The following SYDE2 variants were observed in gnomAD, a reference collection of about 807,000 sequenced individuals.
The protein encoded by SYDE2 is rho GTPase-activating protein SYDE2.
A neutral mutation model predicts 91.5 loss-of-function variants in SYDE2; 76 were observed. The ratio of observed to expected loss-of-function variants is 0.83; its 90% CI spans 0.69 to 1.01. SYDE2 has a LOEUF of 1.01. Among genes scored for constraint, SYDE2 ranks in the 50% least tolerant of loss-of-function variants. The pLI, the probability that SYDE2 is intolerant of heterozygous loss-of-function variation, is 0.00. For missense variants in SYDE2, 1,364 were observed against 1,367.7 expected (o/e 1.00, Z 0.04); for synonymous variants, 513 against 506.4 (o/e 1.01, Z -0.18).
chr1:85,155,431 A>C (rs929698876), downstream of SYDE2, among the ~76,000 whole-genome samples: 2 of 152,134 alleles, frequency 1.3e-5, no homozygotes, highest in African/African-American at 4.8e-5. Context: ...TTGAGCCTAC[A>C]AATTTGAGAC....
rs1440316096 is a variant in SYDE2 at position 85,200,577 on chromosome 1, G to A, written c.420C>T (p.Thr140=). 3.1e-6 allele frequency: 5 copies of A among 1,592,020 alleles called. No individual in the cohort carries two copies. The African/African-American group carries it at 5.4e-5, about 17-fold the overall frequency. ...CCTTGCAGCCTGGAGGCTGGAGGCC[G>A]GTGGGTGCAGCCGCCCGGGCGCGGT... The part of the protein sequence containing the change: ...SGDRARAAAP[T]GLQPPGCKDH... The change falls in exon 1 of 7, where the codon ACC becomes ACT. Residue 140 remains threonine, a synonymous_variant. Transcript: ENST00000341460.
intron 1 of SYDE2, chr1:85,194,692 T>C (rs78952354): frequency 0.052 from 20,117 of 384,512 alleles, 621 homozygotes; most frequent in East Asian, 0.15. Flanking sequence ...CAATTAAAAG[T>C]TTTTCACTCA....
chr1:85,154,742 T>C (rs1656838317), downstream of SYDE2, among the ~76,000 whole-genome samples: 1 of 151,976 alleles, frequency 6.6e-6, no homozygotes, highest in Non-Finnish European at 1.5e-5. Flanking sequence ...CTATTGTTTC[T>C]ATCCTTGTCC....
intron 6 of SYDE2, chr1:85,161,055 A>G (rs545890240): frequency 2.9e-4 from 286 of 983,980 alleles, no homozygotes; most frequent in South Asian, 9.4e-4. Flanking sequence ...ATATACGGTG[A>G]AAATGGCTAA....
intron 1 of SYDE2, among the ~76,000 whole-genome samples, chr1:85,196,130 G>C (rs4255398): frequency 0.17 from 26,277 of 152,140 alleles, 2,451 homozygotes; most frequent in South Asian, 0.26. Flanking sequence ...TAAGTAGTAA[G>C]TATATTAATT....
Position 85,160,594 on chromosome 1 carries a change from C to T in SYDE2, c.3086-1345G>A, listed in dbSNP as rs560366193. 33 of 985,328 alleles carry T rather than the reference C, an allele frequency of 3.3e-5. No individual in the cohort carries two copies. In the African/African-American group the frequency reaches 4.9e-4, roughly 15 times the overall value. The allele number at this position is 985,328 out of a possible 1,614,324, so 61.0% of individuals were successfully genotyped here. ...GCAGAATGGATAACTGATTTTTCCA[C>T]TGTGTAATTATTCATATTCTTTTTC... On this transcript the variant is annotated intron_variant, in intron 6 of 6. Transcript: ENST00000341460.
intron 5 of SYDE2, among the ~76,000 whole-genome samples, 189 bp downstream of exon 5, chr1:85,168,855 A>G (rs1657397282): frequency 1.3e-5 from 2 of 152,216 alleles, no homozygotes; most frequent in Admixed American, 6.5e-5. Context: ...GAAAAGATAA[A>G]ACTGTTTTCT....
chr1:85,182,529 C>T lies in SYDE2; in HGVS notation c.2113G>A (p.Ala705Thr). The part of the protein sequence containing the change: ...PRIDSKDVFC[A>T]IQVDSVNKAR... ...TTGTTTACTGAATCTACCTGAATTG[C>T]ACAAAAGACGTCTTTTGAATCTATC... The change falls in exon 3 of 7, where the codon GCA becomes ACA. Residue 705 changes from alanine to threonine, a missense_variant. Ala to Thr is a moderately conservative substitution (Grantham distance 58, BLOSUM62 0). Coordinates refer to ENST00000341460, the MANE Select transcript of SYDE2 (RefSeq NM_032184.2). 1.2e-6 allele frequency: 2 copies of T among 1,613,876 alleles called. No homozygotes were observed. The highest frequency in any genetic ancestry group is 1.7e-6 in the Non-Finnish European group (2 of 1,179,856).
intron 4 of SYDE2, among the ~76,000 whole-genome samples, chr1:85,172,008 A>G (rs1657521745): frequency 6.6e-6 from 1 of 152,214 alleles, no homozygotes; most frequent in South Asian, 2.1e-4. Flanking sequence ...TAAAGGAGAT[A>G]GTAAAAAAGG....
Position 85,199,687 on chromosome 1 carries a change from A to G in SYDE2, c.745+565T>C, listed in dbSNP as rs1202438309. Among the ~76,000 whole-genome samples the G allele has an allele frequency of 4.6e-5, 7 of 152,126 alleles. No homozygotes were observed. In the South Asian group the frequency reaches 6.2e-4, roughly 14 times the overall value. ...ATGTGAAATACTACCTGACTAAAAA[A>G]TTCTACTTATGGTAGGGTTTTTTTT... On this transcript the variant is annotated intron_variant, in intron 1 of 6. Coordinates refer to ENST00000341460, the MANE Select transcript of SYDE2 (RefSeq NM_032184.2).
intron 3 of SYDE2, 70 bp from the exon 4 acceptor site, chr1:85,178,342 C>T: frequency 4.3e-6 from 6 of 1,392,274 alleles, no homozygotes; most frequent in Middle Eastern, 1.8e-4. Flanking sequence ...TTATAGATCA[C>T]ATGAACTTTG....
Position 85,164,966 on chromosome 1 carries a change from G to A in SYDE2, c.2854-209C>T, listed in dbSNP as rs140816758. Among the ~76,000 whole-genome samples, 22 of 152,258 alleles carry A rather than the reference G, an allele frequency of 1.4e-4. No homozygotes were observed. The East Asian group carries it at 3.7e-3, about 25-fold the overall frequency. On this transcript the variant is annotated intron_variant, in intron 5 of 6. Transcript: ENST00000341460. ...AAATTATGTTCCAGCCGGGCACAGT[G>A]GCTCATGCCTGTAATCCTAGCACTC...
chr1:85,174,415 C>CTT lies in SYDE2; in HGVS notation c.2671+3730_2671+3731insAA, dbSNP rs1318660139. ...CAAATGGAACATTTACCACAAAAGA[C>CTT]CATATTCTGGGCTTCAAAATAAGCC... On this transcript the variant is annotated intron_variant, in intron 4 of 6. Coordinates refer to ENST00000341460, the MANE Select transcript of SYDE2 (RefSeq NM_032184.2). 8.0e-3 allele frequency among the ~76,000 whole-genome samples: 1,216 copies of CTT among 152,200 alleles called. 11 individuals are homozygous for CTT. The highest frequency in any genetic ancestry group is 0.028 in the African/African-American group (1,156 of 41,524).
chr1:85,169,933 G>T (rs903739325), intron 4 of SYDE2, among the ~76,000 whole-genome samples: 5 of 152,094 alleles, frequency 3.3e-5, no homozygotes, highest in Non-Finnish European at 7.4e-5. Context: ...GGAAAGAATA[G>T]TGGTTGTTAT....
Position 85,182,852 on chromosome 1 carries a change from C to G in SYDE2, c.1790G>C (p.Ser597Thr). ...NVISRYHLDT[S>T]VSSQQSYQKK... ...CTGGTAGCTCTGCTGGGAGGATACA[C>G]TGGTATCAAGATGGTATCGGCTTAT... The change falls in exon 3 of 7, where the codon AGT (serine) becomes ACT (threonine). Residue 597 changes from serine (S) to threonine (T), a missense_variant. By Grantham distance (58) the Ser-to-Thr change is moderately conservative. Transcript: ENST00000341460. 1 of 1,613,742 alleles carries G rather than the reference C, an allele frequency of 6.2e-7. No homozygotes were observed. Among genetic ancestry groups the G allele is most frequent in the Non-Finnish European group, 8.5e-7 (1 of 1,179,784 alleles).
chr1:85,161,665 T>G (rs1312262093), intron 6 of SYDE2, among the ~76,000 whole-genome samples: 1 of 149,854 alleles, frequency 6.7e-6, no homozygotes, highest in African/African-American at 2.5e-5. Context: ...GGCAAAGGTT[T>G]CAGTGAGTCA....
At chr1:85,163,882 G>A (rs1657165570) in intron 6 of SYDE2, among the ~76,000 whole-genome samples, 1 of 152,108 alleles carries the variant, frequency 6.6e-6, no homozygotes, top group Non-Finnish European at 1.5e-5. Flanking sequence ...AATTACATCA[G>A]AGATAATTAG....
intron 1 of SYDE2, chr1:85,194,976 C>T (rs1449077792): frequency 2.2e-4 from 55 of 246,412 alleles, no homozygotes; most frequent in Admixed American, 9.7e-4. Flanking sequence ...CTGGCTAACA[C>T]GGTGAAACCC....
chr1:85,184,762 C>T (rs1400659234), intron 2 of SYDE2, among the ~76,000 whole-genome samples: 1 of 151,452 alleles, frequency 6.6e-6, no homozygotes, highest in African/African-American at 2.4e-5. Context: ...CTAGGGAAAC[C>T]GAGGTGGGAA....
Sources: gnomAD v4.1 joint callset for allele counts (sites outside exome capture counted in the v4.1 genomes callset) on GRCh38, gnomAD v4.1.1 for gene constraint, MANE v1.5 for transcripts, NCBI Gene and HGNC (gene_info 2026-07-23, HGNC 2026-07-21) for gene names.